CSMD2: variants seen among roughly 807,000 people sequenced by gnomAD.
CSMD2 encodes CUB and sushi domain-containing protein 2.
A neutral mutation model predicts 398.5 loss-of-function variants in CSMD2; 130 were observed. That is an observed-to-expected ratio of 0.33 (90% CI 0.28 to 0.38). The LOEUF (loss-of-function observed/expected upper bound fraction) is 0.38. CSMD2 is among the 10% of genes least tolerant of loss of function. The pLI is 1.00. For synonymous variants in CSMD2, 1,828 were observed against 1,908.5 expected (o/e 0.96, Z 1.10); for missense variants, 3,829 against 4,764.9 (o/e 0.80, Z 5.78).
Position 33,636,591 on chromosome 1 carries a change from G to T in CSMD2, c.4775-37C>A. The T allele has an allele frequency of 6.4e-7, 1 of 1,567,730 alleles. No individual in the cohort carries two copies. Among genetic ancestry groups the T allele is most frequent in the South Asian group, 1.1e-5 (1 of 88,736 alleles). On this transcript the variant is annotated intron_variant, in intron 29 of 70. Transcript: ENST00000373381. The surrounding 1 kb of genome is among the most constrained non-coding windows in gnomAD (Gnocchi z 4.8). Reference sequence around the variant, plus strand: ...AAATACAAACACGTGCACACACACAGAGGGCTCATGAGGAGGCTATTCTTG... The same window carrying T: ...AAATACAAACACGTGCACACACACATAGGGCTCATGAGGAGGCTATTCTTG...
intron 15 of CSMD2, among the ~76,000 whole-genome samples, chr1:33,736,710 AT>A (rs1646898992): frequency 1.3e-5 from 2 of 152,166 alleles, no homozygotes; most frequent in African/African-American, 4.8e-5. Flanking sequence ...CTCAGGGGCA[AT>A]GGGAATCTGG....
Position 34,088,977 on chromosome 1 carries a change from C to A in CSMD2, c.404G>T (p.Arg135Met). 6.2e-7 allele frequency: 1 copy of A among 1,612,832 alleles called. No individual in the cohort carries two copies. The highest frequency in any genetic ancestry group is 8.5e-7 in the Non-Finnish European group (1 of 1,179,576). ...ACAGGGAAGGTGGGCAGCATGGTAC[C>A]TCGTACGCAGATTCTCTGGCTGGGG... ...GPPQPENLRT[R>M]LTGFQLPATI... Residue 135 changes from arginine (R) to methionine (M), a missense_variant and splice_region_variant, in exon 2 of 71, where the codon AGG becomes ATG. Coordinates refer to ENST00000373381, the MANE Select transcript of CSMD2 (RefSeq NM_001281956.2).
chr1:34,082,199 G>A (rs1558352824), intron 2 of CSMD2, among the ~76,000 whole-genome samples: 1 of 145,324 alleles, frequency 6.9e-6, no homozygotes, highest in Non-Finnish European at 1.5e-5. Context: ...TCTCTACCCG[G>A]CCGCCACCCC....
Position 33,676,923 on chromosome 1 carries a change from C to G in CSMD2, c.4053-13831G>C, listed in dbSNP as rs533086703. Among the ~76,000 whole-genome samples the G allele has an allele frequency of 2.0e-5, 3 of 152,288 alleles. No homozygotes were observed. The East Asian group carries it at 5.8e-4, about 29-fold the overall frequency. ...GCTAGCCATATGTAGAAAGCTGAAA[C>G]TGGATCACTTCCTTACACCTTATAC... On this transcript the variant is annotated intron_variant, in intron 25 of 70. Transcript: ENST00000373381.
At chr1:33,568,506 C>T (rs142765610) in intron 52 of CSMD2, among the ~76,000 whole-genome samples, 8 of 152,214 alleles carry the variant, frequency 5.3e-5, no homozygotes, top group African/African-American at 1.7e-4. Flanking sequence ...TGTTTTTCAC[C>T]GAGCATCTGC....
At chr1:33,538,059 C>T (rs370905674) in intron 60 of CSMD2, among the ~76,000 whole-genome samples, 2 of 152,164 alleles carry the variant, frequency 1.3e-5, no homozygotes, top group African/African-American at 4.8e-5. Flanking sequence ...ACATCATCAT[C>T]GCTTATTGGC....
chr1:34,135,282 A>G (rs956841482), intron 1 of CSMD2, among the ~76,000 whole-genome samples: 1 of 150,398 alleles, frequency 6.6e-6, no homozygotes, highest in Non-Finnish European at 1.5e-5. Context: ...ACACACACAC[A>G]CACAATTATT....
chr1:33,781,615 C>T (rs1216597188), intron 12 of CSMD2, among the ~76,000 whole-genome samples: 1 of 152,148 alleles, frequency 6.6e-6, no homozygotes, highest in Non-Finnish European at 1.5e-5. Flanking sequence ...TTCTTCCTCC[C>T]CTGGGCCAGC....
At chr1:33,544,831 TTATATA>T (rs56072818) in intron 57 of CSMD2, among the ~76,000 whole-genome samples, 12 of 141,976 alleles carry the variant, frequency 8.5e-5, no homozygotes, top group African/African-American at 2.7e-4. Flanking sequence ...CACTGTGCAT[TTATATA>T]TATATATATA....
intron 5 of CSMD2, among the ~76,000 whole-genome samples, chr1:33,884,085 GT>G (rs1190111072): frequency 6.6e-6 from 1 of 152,114 alleles, no homozygotes; most frequent in Non-Finnish European, 1.5e-5. Context: ...CATGCTGGAT[GT>G]CAGCGCAATC....
chr1:34,044,986 T>C (rs1558295120), intron 2 of CSMD2, among the ~76,000 whole-genome samples: 1 of 151,518 alleles, frequency 6.6e-6, no homozygotes, highest in Non-Finnish European at 1.5e-5. Flanking sequence ...ATTACAGGCA[T>C]CATCTAGTAA....
intron 3 of CSMD2, among the ~76,000 whole-genome samples, chr1:34,015,634 G>A (rs1647979931): frequency 6.6e-6 from 1 of 152,170 alleles, no homozygotes; most frequent in African/African-American, 2.4e-5. Context: ...ACAACAGGAG[G>A]GCCACAGGCC....
intron 5 of CSMD2, among the ~76,000 whole-genome samples, chr1:33,913,802 CCT>C (rs1261183848): frequency 3.3e-5 from 5 of 151,994 alleles, no homozygotes; most frequent in Non-Finnish European, 1.5e-5. Flanking sequence ...GGCTTTCCCT[CCT>C]CTCTTTTAAT....
At position 34,089,141 on chromosome 1, in the gene CSMD2, T is replaced by A. The variant is rs1188414865; in HGVS notation, c.240A>T (p.Pro80=). ...LHGPNGTVES[P]GFPYGYPNYA... is the part of the protein sequence containing the mutation. ...AATTGGGGTAGCCATATGGGAACCC[T>A]GGGCTCTCAACTGTCCCATTGGGAC... Residue 80 remains proline (P), a synonymous_variant, in exon 2 of 71, where the codon CCA becomes CCT. Transcript: ENST00000373381. 6.2e-7 allele frequency: 1 copy of A among 1,614,080 alleles called. No individual in the cohort carries two copies. Among genetic ancestry groups the A allele is most frequent in the Non-Finnish European group, 8.5e-7 (1 of 1,180,046 alleles).
At chr1:33,928,303 TACCTTA>T (rs1644196306) in intron 4 of CSMD2, among the ~76,000 whole-genome samples, 1 of 152,204 alleles carries the variant, frequency 6.6e-6, no homozygotes, top group Non-Finnish European at 1.5e-5. Flanking sequence ...GAGATAACAT[TACCTTA>T]ACCTCCTTGG....
At chr1:33,821,373 C>A (rs935465087) in intron 7 of CSMD2, among the ~76,000 whole-genome samples, 1 of 152,164 alleles carries the variant, frequency 6.6e-6, no homozygotes, top group East Asian at 1.9e-4. Context: ...TCCTTTTCGT[C>A]GGGATGCTGG....
At chr1:33,558,150 C>T (rs752180333) in intron 54 of CSMD2, among the ~76,000 whole-genome samples, 2 of 152,190 alleles carry the variant, frequency 1.3e-5, no homozygotes, top group Non-Finnish European at 2.9e-5. Flanking sequence ...TGATTACTCT[C>T]TTTCTGGTAC....
chr1:34,098,579 G>A (rs1188079727), intron 1 of CSMD2, among the ~76,000 whole-genome samples: 4 of 151,862 alleles, frequency 2.6e-5, no homozygotes, highest in African/African-American at 9.7e-5. Flanking sequence ...GGGTGGTCCA[G>A]GAGTAAACAG....
chr1:34,116,805 T>A (rs570086672), intron 1 of CSMD2, among the ~76,000 whole-genome samples: 62 of 151,856 alleles, frequency 4.1e-4, no homozygotes, highest in Non-Finnish European at 7.1e-4. Context: ...TTTCCAACTA[T>A]AAAGGAATAG....
Sources: allele counts gnomAD v4.1 joint callset (sites outside exome capture counted in the v4.1 genomes callset), GRCh38; gene constraint gnomAD v4.1.1; non-coding constraint Gnocchi (gnomAD v3.1); transcripts MANE v1.5; gene names NCBI Gene and HGNC (gene_info 2026-07-23, HGNC 2026-07-21).